Variants in TMPRSS11A observed in about 807,000 individuals in gnomAD.
TMPRSS11A encodes transmembrane protease serine 11A.
Under a neutral mutation model 58.9 loss-of-function variants are expected in TMPRSS11A, and 53 were observed. The observed-to-expected ratio is 0.90, with a 90% CI of 0.72 to 1.13. The LOEUF (loss-of-function observed/expected upper bound fraction) is 1.13, where lower values mean the gene tolerates loss of function less well. Ranked by LOEUF, TMPRSS11A falls within the 50% of genes most tolerant of loss-of-function variation. The pLI is 0.00. For synonymous variants in TMPRSS11A, 167 were observed against 169.8 expected, an observed-to-expected ratio of 0.98 and a Z score of 0.13; for missense variants, 493 against 499.3, an observed-to-expected ratio of 0.99 and a Z score of 0.12.
chr4:67,962,775 A>G (rs1214660718), intron 1 of TMPRSS11A, among the ~76,000 whole-genome samples: 1 of 152,226 alleles, frequency 6.6e-6, no homozygotes, highest in Non-Finnish European at 1.5e-5. Flanking sequence ...ATTTTGAAAA[A>G]CAATACCCAA....
At position 67,941,097 on chromosome 4, in the gene TMPRSS11A, G is replaced by T. The variant is rs184620473; in HGVS notation, c.252+3422C>A. Among the ~76,000 whole-genome samples the T allele has an allele frequency of 5.9e-5, 9 of 152,256 alleles. No homozygotes were observed. In the East Asian group the frequency reaches 1.7e-3, roughly 29 times the overall value. On this transcript the variant is annotated intron_variant, in intron 3 of 9. Coordinates refer to ENST00000508048, the MANE Select transcript of TMPRSS11A (RefSeq NM_001114387.2). ...TGCTCCACTATCTCAGGGAACAGGG[G>T]CGGATTATAGCAATATCTAAATATG...
intron 1 of TMPRSS11A, among the ~76,000 whole-genome samples, chr4:67,957,199 A>G (rs564389906): frequency 1.3e-5 from 2 of 152,316 alleles, no homozygotes; most frequent in East Asian, 1.9e-4. Context: ...ATTGGTACCA[A>G]TAGAGTGGGG....
rs75045338 is a variant in TMPRSS11A, at chr4:67,938,450, C to G, written c.252+6069G>C. 8.2e-4 allele frequency among the ~76,000 whole-genome samples: 125 copies of G among 152,222 alleles called. 2 individuals are homozygous for G. The East Asian group carries it at 0.018, about 21-fold the overall frequency. On this transcript the variant is annotated intron_variant, in intron 3 of 9. Transcript: ENST00000508048. ...TCAATTTTTGTTTTTGTTGCAGTTGCTTTTGAGGACTTAGTCCTAAATTCT... is the reference window on the plus strand; with the variant it reads ...TCAATTTTTGTTTTTGTTGCAGTTGGTTTTGAGGACTTAGTCCTAAATTCT...
chr4:67,911,615 C>G (rs975442140), intron 9 of TMPRSS11A, 112 bp from the exon 10 acceptor site: 10 of 653,642 alleles, frequency 1.5e-5, no homozygotes, highest in Admixed American at 9.4e-5. Flanking sequence ...CATGTATAGA[C>G]TATCAACACA....
chr4:67,918,418 T>G (rs945657235), intron 8 of TMPRSS11A, among the ~76,000 whole-genome samples: 1 of 152,236 alleles, frequency 6.6e-6, no homozygotes. Flanking sequence ...TAAATTAGCT[T>G]CTTCAGTACT....
In TMPRSS11A at chr4:67,922,862, C is replaced by G; in HGVS notation, c.585G>C (p.Lys195Asn). Residue 195 changes from lysine to asparagine, a missense_variant, in exon 7 of 10, where the codon AAG (lysine) becomes AAC (asparagine). Transcript: ENST00000508048. The part of the protein sequence containing the change: ...NRIASGVIAP[K>N]AAWPWQASLQ... ...GGGAAGCTTGCCAAGGCCAGGCCGC[C>G]TTGGGTGCAATGACTCCAGATGCTA... 6.2e-7 allele frequency: 1 copy of G among 1,614,150 alleles called. No homozygotes were observed. Among genetic ancestry groups the G allele is most frequent in the Non-Finnish European group, 8.5e-7 (1 of 1,180,026 alleles).
Position 67,944,615 on chromosome 4 carries a change from A to G in TMPRSS11A, c.156T>C (p.His52=), listed in dbSNP as rs1326486645. Reference sequence around the variant, plus strand: ...GTGGATCTAAAATTTTAAAGGAGCCATGATAGTACTCCTTTTTTTGGTCTG... The same window carrying G: ...GTGGATCTAAAATTTTAAAGGAGCCGTGATAGTACTCCTTTTTTTGGTCTG... ...LVFDQKKEYY[H]GSFKILDPQI... The change falls in exon 3 of 10, where the codon CAT becomes CAC. Residue 52 remains histidine (H), a synonymous_variant. Coordinates refer to ENST00000508048, the MANE Select transcript of TMPRSS11A (RefSeq NM_001114387.2). 4 of 1,612,248 alleles carry G rather than the reference A, an allele frequency of 2.5e-6. No homozygotes were observed. In the African/African-American group the frequency reaches 4.0e-5, roughly 16 times the overall value.
rs375135683 is a variant in TMPRSS11A, at chr4:67,944,642, A to C, written c.134-5T>G. On this transcript the variant is annotated splice_region_variant and splice_polypyrimidine_tract_variant and intron_variant, in intron 2 of 9. Transcript: ENST00000508048. ...GATAGTACTCCTTTTTTTGGTCTGC[A>C]ATGGAAATGAAAAATAGGAAACTAA... The C allele has an allele frequency of 1.2e-6, 2 of 1,605,420 alleles. No individual in the cohort carries two copies. Among genetic ancestry groups the C allele is most frequent in the African/African-American group, 2.7e-5 (2 of 74,238 alleles).
rs76126216 is a variant in TMPRSS11A at position 67,912,048 on chromosome 4, A to T, written c.1096-545T>A. ...AGCCTACATTTAGTACCAGTGTGTA[A>T]ATTTTATTAATTGAAGAGTCAAGTA... On this transcript the variant is annotated intron_variant, in intron 9 of 9. Transcript: ENST00000508048. Among the ~76,000 whole-genome samples the T allele has an allele frequency of 9.2e-3, 1,406 of 152,272 alleles. 17 individuals are homozygous for T. The highest frequency in any genetic ancestry group is 0.032 in the African/African-American group (1,319 of 41,552).
Position 67,962,742 on chromosome 4 carries a change from A to T in TMPRSS11A, c.11+641T>A, listed in dbSNP as rs192568092. Among the ~76,000 whole-genome samples, 394 of 152,294 alleles carry T rather than the reference A, an allele frequency of 2.6e-3. 2 individuals are homozygous for T. The highest frequency in any genetic ancestry group is 9.2e-3 in the African/African-American group (382 of 41,576). ...ATGCCAAGGAATCTTATTTTTTCAT[A>T]TTCTTTGCACATGGCATACCCCATT... On this transcript the variant is annotated intron_variant, in intron 1 of 9. Transcript: ENST00000508048.
In TMPRSS11A at chr4:67,927,425, G is replaced by C. The variant is rs1351115824; in HGVS notation, c.481+2455C>G. ...CTTTGTCCAGCCACAGCCTCACAGAGAGACAGCACACCTGTGCCAGTGCCT... is the reference window on the plus strand; with the variant it reads ...CTTTGTCCAGCCACAGCCTCACAGACAGACAGCACACCTGTGCCAGTGCCT... On this transcript the variant is annotated intron_variant, in intron 5 of 9. Coordinates refer to ENST00000508048, the MANE Select transcript of TMPRSS11A (RefSeq NM_001114387.2). Among the ~76,000 whole-genome samples, 4 of 152,324 alleles carry C rather than the reference G, an allele frequency of 2.6e-5. No homozygotes were observed. In the South Asian group the frequency reaches 6.2e-4, roughly 24 times the overall value.
At position 67,911,339 on chromosome 4, in the gene TMPRSS11A, G is replaced by A; in HGVS notation, c.*3C>T. ...GCTTTCTTTGTTTAACTTTTATCGTGAATTAGATGCCTGTTTTTGAAGCAA... is the reference window on the plus strand; with the variant it reads ...GCTTTCTTTGTTTAACTTTTATCGTAAATTAGATGCCTGTTTTTGAAGCAA... On this transcript the variant is annotated 3_prime_UTR_variant, in exon 10 of 10. Coordinates refer to ENST00000508048, the MANE Select transcript of TMPRSS11A (RefSeq NM_001114387.2). The A allele has an allele frequency of 6.2e-7, 1 of 1,612,528 alleles. No homozygotes were observed. Among genetic ancestry groups the A allele is most frequent in the Non-Finnish European group, 8.5e-7 (1 of 1,179,098 alleles).
At position 67,945,747 on chromosome 4, in the gene TMPRSS11A, T is replaced by C. The variant is rs372008940; in HGVS notation, c.133+703A>G. Among the ~76,000 whole-genome samples, 74 of 152,256 alleles carry C rather than the reference T, an allele frequency of 4.9e-4. 1 individual carries two copies. The South Asian group carries it at 0.013, about 26-fold the overall frequency. On this transcript the variant is annotated intron_variant, in intron 2 of 9. Coordinates refer to ENST00000508048, the MANE Select transcript of TMPRSS11A (RefSeq NM_001114387.2). Reference sequence around the variant, plus strand: ...TTATTTGTTTTATCACATACATCCATGTGAGAGTCACATTGTAGAGATTTG... The same window carrying C: ...TTATTTGTTTTATCACATACATCCACGTGAGAGTCACATTGTAGAGATTTG...
In TMPRSS11A at chr4:67,956,495, A is replaced by G. The variant is rs375358388; in HGVS notation, c.11+6888T>C. Among the ~76,000 whole-genome samples, 5 of 152,324 alleles carry G rather than the reference A, an allele frequency of 3.3e-5. No individual in the cohort carries two copies. The East Asian group carries it at 5.8e-4, about 18-fold the overall frequency. ...AAACATATCTATGAATCTGTTGGGA[A>G]TAAGGAGATATGGATAGCTTCAGTT... On this transcript the variant is annotated intron_variant, in intron 1 of 9. Transcript: ENST00000508048.
intron 3 of TMPRSS11A, 80 bp downstream of exon 3, chr4:67,944,439 T>A: frequency 6.7e-7 from 1 of 1,502,518 alleles, no homozygotes; most frequent in Non-Finnish European, 9.1e-7. Flanking sequence ...GAAAATCATG[T>A]TTTTAGAAAT....
At chr4:67,937,276 G>T (rs529960663) in intron 3 of TMPRSS11A, among the ~76,000 whole-genome samples, 1 of 152,128 alleles carries the variant, frequency 6.6e-6, no homozygotes, top group East Asian at 1.9e-4. Context: ...ACATACACAT[G>T]TCAATATATC....
At chr4:67,920,551 T>TATATATATA (rs58054364) in intron 7 of TMPRSS11A, among the ~76,000 whole-genome samples, 6 of 80,064 alleles carry the variant, frequency 7.5e-5, no homozygotes, top group South Asian at 7.4e-4. Flanking sequence ...ATATATATAT[T>TATATATATA]TTTTTTTATA....
chr4:67,941,212 T>C (rs1325566936), intron 3 of TMPRSS11A, among the ~76,000 whole-genome samples: 1 of 152,184 alleles, frequency 6.6e-6, no homozygotes, highest in East Asian at 1.9e-4. Flanking sequence ...TCTTCCTTGG[T>C]TGTCTAATTA....
chr4:67,921,185 A>T (rs1720319165), intron 7 of TMPRSS11A, among the ~76,000 whole-genome samples: 1 of 152,212 alleles, frequency 6.6e-6, no homozygotes, highest in Non-Finnish European at 1.5e-5. Flanking sequence ...ACTATCTACC[A>T]CAAAAATGGC....
Sources: allele counts gnomAD v4.1 joint callset (sites outside exome capture counted in the v4.1 genomes callset), GRCh38; gene constraint gnomAD v4.1.1; transcripts MANE v1.5; gene names NCBI Gene and HGNC (gene_info 2026-07-23, HGNC 2026-07-21).